The following ADCK1 variants were observed in gnomAD, a reference collection of about 807,000 sequenced individuals.
ADCK1 encodes the protein aarF domain containing kinase 1.
A neutral mutation model predicts 52.3 loss-of-function variants in ADCK1; 41 were observed. The ratio of observed to expected loss-of-function variants is 0.78; its 90% CI spans 0.61 to 1.02. The LOEUF is 1.02. ADCK1 is among the 50% of genes least tolerant of loss of function. The pLI is 0.00. For synonymous variants in ADCK1, 250 were observed against 274.6 expected (o/e 0.91, Z 0.89); for missense variants, 658 against 679.5 (o/e 0.97, Z 0.35).
intron 3 of ADCK1, among the ~76,000 whole-genome samples, chr14:77,833,046 A>T (rs372001522): frequency 6.6e-6 from 1 of 152,188 alleles, no homozygotes; most frequent in Non-Finnish European, 1.5e-5. Context: ...TCAAGTTGTC[A>T]TAGTTGAGGG....
intron 7 of ADCK1, among the ~76,000 whole-genome samples, chr14:77,913,171 G>T (rs771899268): frequency 6.6e-6 from 1 of 152,182 alleles, no homozygotes; most frequent in Admixed American, 6.5e-5. Context: ...ATCCAAATCC[G>T]GGGTGGAAAG....
chr14:77,869,974 A>G (rs2140163066), intron 4 of ADCK1, among the ~76,000 whole-genome samples: 1 of 152,308 alleles, frequency 6.6e-6, no homozygotes, highest in South Asian at 2.1e-4. Context: ...ACTTTTCTTT[A>G]TAAATTACCC....
At chr14:77,896,641 A>C (rs188077963) in intron 5 of ADCK1, among the ~76,000 whole-genome samples, 1 of 152,338 alleles carries the variant, frequency 6.6e-6, no homozygotes, top group East Asian at 1.9e-4. Flanking sequence ...ATCTGAGGGC[A>C]CTGTGACGAG....
At chr14:77,888,557 G>A (rs2083212274) in intron 5 of ADCK1, among the ~76,000 whole-genome samples, 1 of 152,046 alleles carries the variant, frequency 6.6e-6, no homozygotes, top group South Asian at 2.1e-4. Flanking sequence ...GCCAGGAGAC[G>A]AATTGAGCTG....
intron 4 of ADCK1, among the ~76,000 whole-genome samples, chr14:77,876,474 A>G (rs2140179291): frequency 6.6e-6 from 1 of 152,338 alleles, no homozygotes; most frequent in South Asian, 2.1e-4. Context: ...GGGCACCTGC[A>G]AAGTATCTTT....
intron 6 of ADCK1, among the ~76,000 whole-genome samples, chr14:77,906,325 T>C (rs902834717): frequency 2.0e-5 from 3 of 152,164 alleles, no homozygotes; most frequent in Non-Finnish European, 2.9e-5. Context: ...TCCTCACAAT[T>C]TGGGGGAAAC....
At chr14:77,833,265 T>C (rs2081894589) in intron 3 of ADCK1, among the ~76,000 whole-genome samples, 1 of 152,226 alleles carries the variant, frequency 6.6e-6, no homozygotes, top group African/African-American at 2.4e-5. Flanking sequence ...CTCATTGAGC[T>C]ACAGCTCCTT....
intron 7 of ADCK1, among the ~76,000 whole-genome samples, chr14:77,919,524 A>G (rs2084000718): frequency 6.6e-6 from 1 of 152,126 alleles, no homozygotes; most frequent in Non-Finnish European, 1.5e-5. Context: ...TATTTTTGCA[A>G]TTGTGAATTG....
chr14:77,848,214 CACTT>C (rs1289057942), intron 3 of ADCK1, among the ~76,000 whole-genome samples: 1 of 152,136 alleles, frequency 6.6e-6, no homozygotes, highest in Non-Finnish European at 1.5e-5. Context: ...TTTTTCTTCT[CACTT>C]ACAAGGAATG....
intron 3 of ADCK1, among the ~76,000 whole-genome samples, chr14:77,852,482 G>C (rs1465886574): frequency 6.6e-6 from 1 of 150,982 alleles, no homozygotes; most frequent in African/African-American, 2.4e-5. Flanking sequence ...GCCATCATTC[G>C]TATCTTTATT....
intron 3 of ADCK1, among the ~76,000 whole-genome samples, chr14:77,827,004 A>G (rs1357744490): frequency 6.6e-6 from 1 of 152,158 alleles, no homozygotes; most frequent in Non-Finnish European, 1.5e-5. Context: ...GTTGGCAGCC[A>G]TCTTTGCCAC....
intron 6 of ADCK1, among the ~76,000 whole-genome samples, chr14:77,903,265 A>T (rs1295231246): frequency 3.3e-5 from 5 of 152,194 alleles, no homozygotes; most frequent in African/African-American, 1.2e-4. Flanking sequence ...AACAAGGGGG[A>T]AGTGAATTTT....
intron 1 of ADCK1, among the ~76,000 whole-genome samples, chr14:77,816,881 A>ATATATATATATATATAT (rs2081462604): frequency 9.1e-6 from 1 of 110,028 alleles, no homozygotes; most frequent in Non-Finnish European, 2.0e-5. Flanking sequence ...GTAGATGGTA[A>ATATATATATATATATAT]ATATATATAT....
intron 3 of ADCK1, among the ~76,000 whole-genome samples, chr14:77,836,769 C>CTTTT (rs1293120244): frequency 4.8e-4 from 36 of 75,270 alleles, no homozygotes; most frequent in African/African-American, 6.8e-4. Context: ...TTCTTTCTTT[C>CTTTT]TTTCTTTTTT....
At chr14:77,928,205 G>A (rs1451867752) in intron 9 of ADCK1, among the ~76,000 whole-genome samples, 6 of 152,138 alleles carry the variant, frequency 3.9e-5, no homozygotes, top group Non-Finnish European at 7.4e-5. Context: ...TATGGTGGGG[G>A]ATGGTGCTAC....
intron 3 of ADCK1, among the ~76,000 whole-genome samples, chr14:77,834,002 C>A (rs1014823063): frequency 5.3e-5 from 8 of 152,080 alleles, no homozygotes; most frequent in Admixed American, 5.2e-4. Context: ...TGCTTATTGC[C>A]CAATTTCAGA....
intron 6 of ADCK1, 33 bp downstream of exon 6, chr14:77,899,291 G>T (rs763532926): frequency 2.5e-6 from 4 of 1,612,526 alleles, no homozygotes; most frequent in Non-Finnish European, 3.4e-6. Context: ...GGGTATGGTG[G>T]TCTGGTGGAA....
intron 7 of ADCK1, among the ~76,000 whole-genome samples, chr14:77,913,539 G>C (rs1427146693): frequency 6.6e-6 from 1 of 152,238 alleles, no homozygotes; most frequent in African/African-American, 2.4e-5. Flanking sequence ...TAAAAGTAAA[G>C]GTCGTGCAGG....
chr14:77,839,940 A>G (rs1006687714), intron 3 of ADCK1, among the ~76,000 whole-genome samples: 1 of 124,816 alleles, frequency 8.0e-6, no homozygotes, highest in Non-Finnish European at 1.8e-5. Context: ...AAAAAAAAAA[A>G]AAGGAAAAAA....
Sources: gnomAD v4.1 joint callset for allele counts (sites outside exome capture counted in the v4.1 genomes callset) on GRCh38, gnomAD v4.1.1 for gene constraint, MANE v1.5 for transcripts, NCBI Gene and HGNC (gene_info 2026-07-23, HGNC 2026-07-21) for gene names.